Variants in ZNF519 observed in about 807,000 individuals in gnomAD.
ZNF519 encodes the protein similar to Zinc finger protein 85 (Zinc finger protein HPF4) (HTF1).
A neutral mutation model predicts 7.4 loss-of-function variants in ZNF519; 7 were observed. That is an observed-to-expected ratio of 0.94 (90% CI 0.54 to 1.77). The LOEUF (loss-of-function observed/expected upper bound fraction) is 1.77. Ranked by LOEUF, ZNF519 falls within the 40% of genes most tolerant of loss-of-function variation. ZNF519 has a pLI of 0.00. For missense variants in ZNF519, 586 were observed against 623.1 expected, an observed-to-expected ratio of 0.94 and a Z score of 0.63; for synonymous variants, 179 against 203.3, an observed-to-expected ratio of 0.88 and a Z score of 1.02.
chr18:14,123,218 TAAAA>T (rs34503801), intron 2 of ZNF519: 185 of 143,946 alleles, frequency 1.3e-3, no homozygotes, highest in Non-Finnish European at 1.6e-3. Context: ...CTTGTTTTAT[TAAAA>T]AAAAAAAAAA....
chr18:14,078,998 T>A (rs1427201744), intron 3 of ZNF519, among the ~76,000 whole-genome samples: 2 of 152,162 alleles, frequency 1.3e-5, no homozygotes, highest in Non-Finnish European at 2.9e-5. Flanking sequence ...AGCACCAGTA[T>A]CCTTGGCATA....
chr18:14,109,716 AAGTTT>A (rs2046211454), intron 2 of ZNF519, among the ~76,000 whole-genome samples: 1 of 152,122 alleles, frequency 6.6e-6, no homozygotes, highest in Non-Finnish European at 1.5e-5. Context: ...GCAGTACTAA[AAGTTT>A]ATAACTAAAA....
At chr18:14,084,347 C>A (rs1002395675) in intron 3 of ZNF519, 1 of 152,196 alleles carries the variant, frequency 6.6e-6, no homozygotes, top group Non-Finnish European at 1.5e-5. Context: ...GGGGCACAAA[C>A]CTGCCAAGAG....
At chr18:14,078,213 G>C (rs574532346) in exon 4 of ZNF519, 1 of 152,296 alleles carries the variant, frequency 6.6e-6, no homozygotes, top group East Asian at 1.9e-4. Context: ...CTGCTGTGCG[G>C]CCAGTTTCCT....
At chr18:14,089,566 T>C (rs974909727) in intron 2 of ZNF519, among the ~76,000 whole-genome samples, 1 of 118,294 alleles carries the variant, frequency 8.5e-6, no homozygotes, top group Non-Finnish European at 1.8e-5. Context: ...AAATAATGTA[T>C]GTTAACAGAA....
chr18:14,123,157 C>T (rs2046278260), intron 2 of ZNF519: 3 of 256,434 alleles, frequency 1.2e-5, no homozygotes, highest in Non-Finnish European at 2.4e-5. Context: ...AATTGTAAGG[C>T]TCTTTTCTTT....
rs1041253079 is a variant in ZNF519 at position 14,132,352 on chromosome 18, G to C, written c.-75C>G. 4.4e-6 allele frequency: 7 copies of C among 1,574,030 alleles called. No individual in the cohort carries two copies. Among genetic ancestry groups the C allele is most frequent in the Non-Finnish European group, 6.1e-6 (7 of 1,145,244 alleles). On this transcript the variant is annotated 5_prime_UTR_variant, in exon 1 of 3. Transcript: ENST00000590202. ...CCAGCAGGTCACAGAGCGACGGAGTGAGTGGCAGAATCACCGAAGTCTCCC... is the reference window on the plus strand; with the variant it reads ...CCAGCAGGTCACAGAGCGACGGAGTCAGTGGCAGAATCACCGAAGTCTCCC...
At chr18:14,096,847 G>A (rs8093814), downstream of ZNF519, among the ~76,000 whole-genome samples, 2,702 of 152,258 alleles carry the variant, frequency 0.018, 85 homozygotes, top group African/African-American at 0.061. Context: ...AGGTATCAAG[G>A]GCTGAGTTCC....
In ZNF519 at chr18:14,124,467, T is replaced by G. The variant is rs1335166242; in HGVS notation, c.13A>C (p.Thr5Pro). ...AATTCTATGGCCACATCCCTGAATG[T>G]TAAGAGTTCCTGGAAACACATATAT... MELL[T>P]FRDVAIEFSP... The change falls in exon 2 of 3, where the codon ACA (threonine) becomes CCA (proline). Residue 5 changes from threonine (T) to proline (P), a missense_variant. Physicochemically the swap from Thr to Pro is conservative, Grantham distance 38 (BLOSUM62 -1). Transcript: ENST00000590202. 6.2e-7 allele frequency: 1 copy of G among 1,609,878 alleles called. No homozygotes were observed. The highest frequency in any genetic ancestry group is 2.2e-5 in the East Asian group (1 of 44,848).
At chr18:14,079,947 T>C (rs1346411178) in intron 3 of ZNF519, among the ~76,000 whole-genome samples, 1 of 151,564 alleles carries the variant, frequency 6.6e-6, no homozygotes, top group East Asian at 1.9e-4. Context: ...TGAAAGACAA[T>C]ATCAAGAAAT....
exon 4 of ZNF519, chr18:14,078,278 A>G (rs1478021086): frequency 6.6e-6 from 1 of 152,214 alleles, no homozygotes; most frequent in Non-Finnish European, 1.5e-5. Context: ...ACTTCTGCAC[A>G]TAGGAGCCTG....
downstream of ZNF519, among the ~76,000 whole-genome samples, chr18:14,096,704 G>T (rs1456701943): frequency 6.6e-6 from 1 of 152,056 alleles, no homozygotes; most frequent in Non-Finnish European, 1.5e-5. Context: ...ACCTTTAAGA[G>T]CTTTCAATAT....
intron 3 of ZNF519, among the ~76,000 whole-genome samples, chr18:14,080,488 AT>A (rs754572214): frequency 2.2e-4 from 34 of 151,816 alleles, no homozygotes; most frequent in Non-Finnish European, 4.4e-4. Flanking sequence ...TGCCCAGCTA[AT>A]TTTTGTATTT....
chr18:14,095,606 C>T (rs574885041), downstream of ZNF519, among the ~76,000 whole-genome samples: 173 of 152,326 alleles, frequency 1.1e-3, 1 homozygote, highest in South Asian at 0.024. Context: ...GACTGTGTCA[C>T]CAGAGCTGCG....
chr18:14,089,303 T>C (rs1037933942), intron 2 of ZNF519, among the ~76,000 whole-genome samples: 1 of 152,182 alleles, frequency 6.6e-6, no homozygotes. Context: ...AATTAAAGGA[T>C]AAATATGCGA....
At chr18:14,097,860 C>CTT (rs996412534), downstream of ZNF519, among the ~76,000 whole-genome samples, 3 of 152,106 alleles carry the variant, frequency 2.0e-5, no homozygotes, top group Non-Finnish European at 4.4e-5. Context: ...TATTAATACT[C>CTT]TAACAAATGC....
rs149919686 is a variant in ZNF519, at chr18:14,087,093, T to C, written c.131-2017A>G. On this transcript the variant is annotated intron_variant and NMD_transcript_variant, in intron 2 of 4. Transcript: ENST00000587419. Reference sequence around the variant, plus strand: ...ATAAAGATGGTTCAACATATGCAAATCAATAAAGGTGATACATCAGATTAA... The same window carrying C: ...ATAAAGATGGTTCAACATATGCAAACCAATAAAGGTGATACATCAGATTAA... Among the ~76,000 whole-genome samples the C allele has an allele frequency of 5.5e-3, 832 of 152,052 alleles. 10 individuals are homozygous for C. The highest frequency in any genetic ancestry group is 9.9e-3 in the Non-Finnish European group (674 of 67,960).
rs1282812039 is a variant in ZNF519 at position 14,105,837 on chromosome 18, T to C, written c.703A>G (p.Ser235Gly). 25 of 1,603,346 alleles carry C rather than the reference T, an allele frequency of 1.6e-5. No individual in the cohort carries two copies. Among genetic ancestry groups the C allele is most frequent in the Non-Finnish European group, 1.9e-5 (22 of 1,176,754 alleles). The change falls in exon 3 of 3, where the codon AGC becomes GGC. Residue 235 changes from serine (S) to glycine (G), a missense_variant. Ser to Gly is a moderately conservative substitution (Grantham distance 56, BLOSUM62 0). Coordinates refer to ENST00000590202, the MANE Select transcript of ZNF519 (RefSeq NM_145287.4). ...TQHQRIYIGE[S>G]SQRCNKKCII... ...CATTTTTTATTACATCTTTGTGAGCTCTCTCCAATATAAATTCTTTGATGT... is the reference window on the plus strand; with the variant it reads ...CATTTTTTATTACATCTTTGTGAGCCCTCTCCAATATAAATTCTTTGATGT...
chr18:14,096,439 C>T (rs2046137184), downstream of ZNF519, among the ~76,000 whole-genome samples: 1 of 152,190 alleles, frequency 6.6e-6, no homozygotes, highest in African/African-American at 2.4e-5. Flanking sequence ...GCTTCATTCC[C>T]TCGTGTATAA....
Sources: gnomAD v4.1 joint callset for allele counts (sites outside exome capture counted in the v4.1 genomes callset) on GRCh38, gnomAD v4.1.1 for gene constraint, MANE v1.5 for transcripts, NCBI Gene and HGNC (gene_info 2026-07-23, HGNC 2026-07-21) for gene names.